GRB14: variants seen among roughly 807,000 people sequenced by gnomAD.
GRB14 encodes growth factor receptor bound protein 14.
Under a neutral mutation model 69.1 loss-of-function variants are expected in GRB14, and 38 were observed. The ratio of observed to expected loss-of-function variants is 0.55; its 90% CI spans 0.42 to 0.72. The LOEUF (loss-of-function observed/expected upper bound fraction) is 0.72. Ranked by LOEUF, GRB14 falls within the 30% of genes least tolerant of loss-of-function variation. GRB14 has a pLI of 0.00. For missense variants in GRB14, 666 were observed against 666.1 expected, an observed-to-expected ratio of 1.00 and a Z score of 0.00; for synonymous variants, 247 against 241.3, an observed-to-expected ratio of 1.02 and a Z score of -0.22.
intron 5 of GRB14, among the ~76,000 whole-genome samples, chr2:164,523,827 T>G (rs1687699197): frequency 6.6e-6 from 1 of 152,060 alleles, no homozygotes. Flanking sequence ...TTTTTATAAT[T>G]TAACATTAAA....
At chr2:164,540,602 C>T (rs532614477) in intron 3 of GRB14, among the ~76,000 whole-genome samples, 5 of 152,098 alleles carry the variant, frequency 3.3e-5, no homozygotes, top group East Asian at 3.9e-4. Context: ...GAGTGAGACT[C>T]GGTCTCTAAA....
intron 2 of GRB14, among the ~76,000 whole-genome samples, chr2:164,581,423 G>A (rs1447904617): frequency 6.6e-6 from 1 of 152,150 alleles, no homozygotes; most frequent in Non-Finnish European, 1.5e-5. Context: ...AGTGAGAGAA[G>A]CTAATGTTTC....
intron 3 of GRB14, among the ~76,000 whole-genome samples, chr2:164,546,350 C>T (rs576820139): frequency 4.6e-5 from 7 of 152,206 alleles, no homozygotes; most frequent in African/African-American, 1.7e-4. Flanking sequence ...AAAATCTTCA[C>T]CATAGGATCT....
At chr2:164,563,145 G>A (rs1313890642) in intron 2 of GRB14, among the ~76,000 whole-genome samples, 1 of 152,048 alleles carries the variant, frequency 6.6e-6, no homozygotes, top group Admixed American at 6.5e-5. Flanking sequence ...ACCCTCTTCT[G>A]CACAGGAAAT....
rs1341466676 is a variant in GRB14 at position 164,515,796 on chromosome 2, T to G, written c.816+6184A>C. 1.5e-4 allele frequency among the ~76,000 whole-genome samples: 14 copies of G among 93,822 alleles called. No individual in the cohort carries two copies. In the Admixed American group the frequency reaches 1.7e-3, roughly 11 times the overall value. 61.6% of individuals were successfully genotyped at this position (93,822 alleles called of 152,430 possible). On this transcript the variant is annotated intron_variant, in intron 6 of 13. Coordinates refer to ENST00000263915, the MANE Select transcript of GRB14 (RefSeq NM_004490.3). ...GCACCAGAGAAAGGTGAAGTTCAAC[T>G]TAGTGAGAAAAAAAAAAAAAGCCAT...
At chr2:164,609,336 CAG>C (rs1216505760) in intron 2 of GRB14, among the ~76,000 whole-genome samples, 1 of 152,188 alleles carries the variant, frequency 6.6e-6, no homozygotes, top group Non-Finnish European at 1.5e-5. Context: ...AATCCAGCTC[CAG>C]AGCTCTCCTA....
intron 2 of GRB14, chr2:164,568,288 G>GA: frequency 7.9e-7 from 1 of 1,266,376 alleles, no homozygotes; most frequent in Non-Finnish European, 1.0e-6. Context: ...AAAAATTAAA[G>GA]AAAAAAAGGA....
intron 3 of GRB14, among the ~76,000 whole-genome samples, chr2:164,538,931 TGG>T (rs1489896500): frequency 6.6e-6 from 1 of 152,156 alleles, no homozygotes; most frequent in African/African-American, 2.4e-5. Flanking sequence ...GTTTTCCTGG[TGG>T]TTTGCAATTT....
chr2:164,582,140 G>A lies in GRB14; in HGVS notation c.325-34324C>T, dbSNP rs112387095. The stretch of plus-strand genomic sequence containing the variant: ...GGCTATTTGATATCCCCATTTGGAT[G>A]ACTCACATGCAATTCAAACTCAAAA... On this transcript the variant is annotated intron_variant, in intron 2 of 13. Transcript: ENST00000263915. 4.6e-3 allele frequency among the ~76,000 whole-genome samples: 697 copies of A among 152,296 alleles called. 1 individual carries two copies. Among genetic ancestry groups the A allele is most frequent in the Middle Eastern group, 0.01 (3 of 294 alleles).
At chr2:164,613,993 C>T (rs1374001010) in intron 2 of GRB14, among the ~76,000 whole-genome samples, 1 of 152,188 alleles carries the variant, frequency 6.6e-6, no homozygotes, top group African/African-American at 2.4e-5. Context: ...TAACCTCCCC[C>T]AGAACATTCC....
chr2:164,620,692 G>T (rs966351299), intron 1 of GRB14, among the ~76,000 whole-genome samples: 1 of 152,184 alleles, frequency 6.6e-6, no homozygotes, highest in East Asian at 1.9e-4. Context: ...CAGCAAGACT[G>T]CTCGAATGTC....
chr2:164,519,138 C>T (rs1025941332), intron 6 of GRB14, among the ~76,000 whole-genome samples: 2 of 152,030 alleles, frequency 1.3e-5, no homozygotes, highest in South Asian at 2.1e-4. Context: ...TACTAGCCAA[C>T]CGAATCCAAC....
intron 12 of GRB14, among the ~76,000 whole-genome samples, chr2:164,494,751 C>G (rs1448558710): frequency 6.6e-6 from 1 of 152,092 alleles, no homozygotes; most frequent in Non-Finnish European, 1.5e-5. Flanking sequence ...AAATACACAA[C>G]CCATTAGTCA....
intron 2 of GRB14, among the ~76,000 whole-genome samples, chr2:164,564,159 G>C (rs1188409870): frequency 6.6e-6 from 1 of 152,172 alleles, no homozygotes; most frequent in African/African-American, 2.4e-5. Context: ...ATTTGGGAAA[G>C]CAAATGAGCC....
At chr2:164,550,003 C>A (rs1453944802) in intron 2 of GRB14, among the ~76,000 whole-genome samples, 4 of 151,744 alleles carry the variant, frequency 2.6e-5, no homozygotes, top group Non-Finnish European at 5.9e-5. Flanking sequence ...TGCAGATATA[C>A]TCAAGTAGTA....
intron 2 of GRB14, among the ~76,000 whole-genome samples, chr2:164,562,568 T>G (rs992936668): frequency 3.3e-5 from 5 of 152,206 alleles, no homozygotes; most frequent in African/African-American, 1.2e-4. Flanking sequence ...ACGGAAAGTT[T>G]AAATTCTCAG....
At chr2:164,579,032 T>TAA (rs577699812) in intron 2 of GRB14, among the ~76,000 whole-genome samples, 3,999 of 151,956 alleles carry the variant, frequency 0.026, 156 homozygotes, top group African/African-American at 0.092. Context: ...AGTGTCCAAT[T>TAA]TAAAAAAAAA....
intron 3 of GRB14, among the ~76,000 whole-genome samples, chr2:164,546,522 C>T (rs1460010976): frequency 2.6e-5 from 4 of 152,050 alleles, no homozygotes; most frequent in South Asian, 2.1e-4. Flanking sequence ...GTTCCACGGG[C>T]GACAGGAAAG....
Position 164,527,045 on chromosome 2 carries a change from TA to T in GRB14, c.571del (p.Tyr191MetfsTer39). On this transcript the variant is annotated frameshift_variant, in exon 4 of 14. Transcript: ENST00000263915. LOFTEE classifies it high-confidence loss of function. ...EENKLYFRKN[Y>X]AKYEFFKNPM... ...GTTTTTAAAGAACTCATATTTGGCA[TA>T]ATTTTTTCTAAAGTATAGTTTGTTT... The T allele has an allele frequency of 6.3e-7, 1 of 1,599,370 alleles. No individual in the cohort carries two copies. The highest frequency in any genetic ancestry group is 8.6e-7 in the Non-Finnish European group (1 of 1,168,934).
Sources: allele counts gnomAD v4.1 joint callset (sites outside exome capture counted in the v4.1 genomes callset), GRCh38; gene constraint gnomAD v4.1.1; transcripts MANE v1.5; gene names NCBI Gene and HGNC (gene_info 2026-07-23, HGNC 2026-07-21).